The following ADCY5 variants were observed in gnomAD, a reference collection of about 807,000 sequenced individuals.
The protein encoded by ADCY5 is adenylate cyclase type 5.
A neutral mutation model predicts 119.7 loss-of-function variants in ADCY5; 30 were observed. The observed-to-expected ratio is 0.25, with a 90% CI of 0.19 to 0.34. The LOEUF (loss-of-function observed/expected upper bound fraction) is 0.34. Ranked by LOEUF, ADCY5 falls within the 10% of genes least tolerant of loss-of-function variation. The pLI is 1.00. For missense variants in ADCY5, 1,324 were observed against 1,775.2 expected, an observed-to-expected ratio of 0.75 and a Z score of 4.57; for synonymous variants, 753 against 762.2, an observed-to-expected ratio of 0.99 and a Z score of 0.20.
chr3:123,373,183 C>T (rs1389458924), intron 1 of ADCY5, among the ~76,000 whole-genome samples: 1 of 152,232 alleles, frequency 6.6e-6, no homozygotes, highest in Non-Finnish European at 1.5e-5. Context: ...AACAGGGGCA[C>T]ACAAATCAAG....
At chr3:123,385,677 T>C (rs182115426) in intron 1 of ADCY5, among the ~76,000 whole-genome samples, 1 of 152,306 alleles carries the variant, frequency 6.6e-6, no homozygotes, top group Non-Finnish European at 1.5e-5. Flanking sequence ...ACTATAACAC[T>C]TACTGGCTGT....
intron 1 of ADCY5, among the ~76,000 whole-genome samples, chr3:123,404,005 C>G (rs1478388096): frequency 6.6e-6 from 1 of 152,212 alleles, no homozygotes; most frequent in Admixed American, 6.5e-5. Context: ...CTGACTATAG[C>G]AAACATTTTG....
intron 12 of ADCY5, among the ~76,000 whole-genome samples, chr3:123,310,531 C>T (rs572967627): frequency 7.9e-5 from 12 of 152,318 alleles, no homozygotes; most frequent in African/African-American, 2.4e-4. Flanking sequence ...TGGCTGGGCT[C>T]TCTCACTGCA....
intron 1 of ADCY5, among the ~76,000 whole-genome samples, chr3:123,413,025 T>C (rs934638800): frequency 6.6e-6 from 1 of 152,092 alleles, no homozygotes; most frequent in African/African-American, 2.4e-5. Context: ...CGGAGCCCCC[T>C]GGAGACGACC....
chr3:123,321,015 C>T (rs969831241), intron 8 of ADCY5, among the ~76,000 whole-genome samples: 1 of 152,088 alleles, frequency 6.6e-6, no homozygotes. Context: ...CTTCATCCAC[C>T]GGCACAATCC....
At chr3:123,379,037 T>C (rs1943937428) in intron 1 of ADCY5, among the ~76,000 whole-genome samples, 1 of 152,196 alleles carries the variant, frequency 6.6e-6, no homozygotes, top group Admixed American at 6.5e-5. Context: ...CTCTACACTC[T>C]TGTTCTCAGA....
intron 20 of ADCY5, among the ~76,000 whole-genome samples, chr3:123,285,593 G>A (rs754198434): frequency 6.6e-6 from 1 of 152,212 alleles, no homozygotes; most frequent in African/African-American, 2.4e-5. Flanking sequence ...GTGCTGGGTG[G>A]GCTGCTGAGA....
At chr3:123,334,471 C>T (rs1941931366) in intron 3 of ADCY5, among the ~76,000 whole-genome samples, 1 of 152,216 alleles carries the variant, frequency 6.6e-6, no homozygotes, top group South Asian at 2.1e-4. Flanking sequence ...AAATATTGGG[C>T]TCACACCTGT....
chr3:123,380,481 C>T (rs1943995870), intron 1 of ADCY5, among the ~76,000 whole-genome samples: 1 of 152,236 alleles, frequency 6.6e-6, no homozygotes, highest in Non-Finnish European at 1.5e-5. Context: ...AAACACAAGG[C>T]ACTGTTGGCT....
chr3:123,308,845 A>AAACAAACAAC (rs1940379964), intron 12 of ADCY5, among the ~76,000 whole-genome samples: 1 of 31,910 alleles, frequency 3.1e-5, no homozygotes, highest in Non-Finnish European at 7.3e-5. Flanking sequence ...AAACAAACAA[A>AAACAAACAAC]AAGAAAAAAC....
At chr3:123,412,055 C>G (rs763598362) in intron 1 of ADCY5, among the ~76,000 whole-genome samples, 25 of 152,220 alleles carry the variant, frequency 1.6e-4, no homozygotes, top group Non-Finnish European at 3.5e-4. Flanking sequence ...GATGCCTGCC[C>G]TCTCCTTTTG....
At chr3:123,327,843 T>TA (rs1378121909) in intron 6 of ADCY5, 84 bp from the exon 7 acceptor site, 1 of 1,495,074 alleles carries the variant, frequency 6.7e-7, no homozygotes, top group African/African-American at 1.4e-5. Flanking sequence ...AAACTGCAAT[T>TA]AGTGGGTTCA....
intron 1 of ADCY5, among the ~76,000 whole-genome samples, chr3:123,419,856 C>T (rs952934795): frequency 6.4e-4 from 97 of 152,100 alleles, no homozygotes; most frequent in African/African-American, 2.0e-3. Context: ...CTTCCCACTC[C>T]GACTCTCACC....
In ADCY5 at chr3:123,448,280, AGG is replaced by A; in HGVS notation, c.264_265del (p.Leu89GlyfsTer238). 6.6e-7 allele frequency: 1 copy of A among 1,525,556 alleles called. No individual in the cohort carries two copies. Among genetic ancestry groups the A allele is most frequent in the Non-Finnish European group, 8.7e-7 (1 of 1,146,126 alleles). The allele number at this position is 1,525,556 out of a possible 1,614,324, so 94.5% of individuals were successfully genotyped here. On this transcript the variant is annotated frameshift_variant, in exon 1 of 21. Coordinates refer to ENST00000462833, the MANE Select transcript of ADCY5 (RefSeq NM_183357.3). LOFTEE classifies it high-confidence loss of function. ...GAAGCTGAAGCCGAAGCCCCCGGCC[AGG>A]GGGTCGTCACCGCTCAGCGGAGGAT...
chr3:123,404,802 G>T (rs1251395408), intron 1 of ADCY5, among the ~76,000 whole-genome samples: 1 of 152,208 alleles, frequency 6.6e-6, no homozygotes. Flanking sequence ...GGCCAGCAGG[G>T]AAAACAGACT....
chr3:123,437,865 A>G (rs1945647686), intron 1 of ADCY5, among the ~76,000 whole-genome samples: 1 of 152,212 alleles, frequency 6.6e-6, no homozygotes, highest in East Asian at 1.9e-4. Context: ...TCCGATGTCT[A>G]ACAACAGCAG....
Position 123,324,927 on chromosome 3 carries a change from C to T in ADCY5, c.2088+395G>A, listed in dbSNP as rs559137134. 2.5e-4 allele frequency among the ~76,000 whole-genome samples: 38 copies of T among 152,360 alleles called. No homozygotes were observed. The South Asian group carries it at 6.6e-3, about 27-fold the overall frequency. ...ACTTGCCTGAGAAATGCAGGAGGTG[C>T]TGGAAGAGGGTATGACAAGCTGGTG... On this transcript the variant is annotated intron_variant, in intron 8 of 20. Coordinates refer to ENST00000462833, the MANE Select transcript of ADCY5 (RefSeq NM_183357.3).
At chr3:123,315,205 G>A (rs1187055422) in intron 11 of ADCY5, among the ~76,000 whole-genome samples, 1 of 152,234 alleles carries the variant, frequency 6.6e-6, no homozygotes, top group Non-Finnish European at 1.5e-5. Flanking sequence ...GCCCGTGGGG[G>A]GCGTGAGAGG....
chr3:123,289,662 G>T, intron 19 of ADCY5, 88 bp downstream of exon 19: 1 of 1,479,802 alleles, frequency 6.8e-7, no homozygotes, highest in South Asian at 1.2e-5. Context: ...GACCACAATG[G>T]CGGATGCGGT....
Sources: gnomAD v4.1 joint callset for allele counts (sites outside exome capture counted in the v4.1 genomes callset) on GRCh38, gnomAD v4.1.1 for gene constraint, MANE v1.5 for transcripts, NCBI Gene and HGNC (gene_info 2026-07-23, HGNC 2026-07-21) for gene names.